The following MAP3K14 variants were observed in gnomAD, a reference collection of about 807,000 sequenced individuals.
MAP3K14 encodes NF-kappa-beta-inducing kinase.
Under a neutral mutation model 99.2 loss-of-function variants are expected in MAP3K14, and 16 were observed. That is an observed-to-expected ratio of 0.16 (90% confidence interval 0.11 to 0.24). MAP3K14 has a LOEUF of 0.24. Ranked by LOEUF, MAP3K14 falls within the 10% of genes least tolerant of loss-of-function variation. MAP3K14 has a pLI of 1.00. For synonymous variants in MAP3K14, 462 were observed against 492.4 expected (o/e 0.94, Z 0.82); for missense variants, 784 against 1,208.7 (o/e 0.65, Z 5.21).
At chr17:45,273,149 G>A (rs1169254375) in intron 9 of MAP3K14, among the ~76,000 whole-genome samples, 1 of 152,188 alleles carries the variant, frequency 6.6e-6, no homozygotes, top group African/African-American at 2.4e-5. Context: ...AGCCAACCGT[G>A]CTCAGAGGCG....
rs1237611659 is a variant in MAP3K14 at position 45,264,024 on chromosome 17, A to G, written c.*612T>C. ...GTCAACTCAGGACCTGTGTTGCAAC[A>G]ACCTGAAAAGTGTGGTGTATTCTAC... On this transcript the variant is annotated 3_prime_UTR_variant, in exon 16 of 16. Transcript: ENST00000344686. 6.6e-6 allele frequency: 1 copy of G among 152,278 alleles called. No homozygotes were observed. The highest frequency in any genetic ancestry group is 6.5e-5 in the Admixed American group (1 of 15,286). The allele number at this position is 152,278 out of a possible 1,614,324, so 9.4% of individuals were successfully genotyped here.
chr17:45,270,397 G>GTGGGGCTCTTCCTACCTTGCTGTGC lies in MAP3K14; in HGVS notation c.1972+15_1972+16insGCACAGCAAGGTAGGAAGAGCCCCA, dbSNP rs756731445. On this transcript the variant is annotated intron_variant, in intron 11 of 15. Coordinates refer to ENST00000344686, the MANE Select transcript of MAP3K14 (RefSeq NM_003954.5). The stretch of plus-strand genomic sequence containing the variant: ...TCTTCTGCCCCCCGGGTCAGCCAGC[G>GTGGGGCTCTTCCTACCTTGCTGTGC]TGGGGCTCTTCCTACCTTGCTGTAG... The GTGGGGCTCTTCCTACCTTGCTGTGC allele has an allele frequency of 1.8e-5, 29 of 1,607,312 alleles. No homozygotes were observed. Among genetic ancestry groups the GTGGGGCTCTTCCTACCTTGCTGTGC allele is most frequent in the Non-Finnish European group, 2.5e-5 (29 of 1,178,066 alleles).
Position 45,267,779 on chromosome 17 carries a change from A to G in MAP3K14, c.1973-20T>C, listed in dbSNP as rs751614619. ...CTCCCACTAGAAAACAGAGAGTACA[A>G]TGGTGAGGGGAAGCGTGCTGTGCAC... On this transcript the variant is annotated intron_variant, in intron 11 of 15. Coordinates refer to ENST00000344686, the MANE Select transcript of MAP3K14 (RefSeq NM_003954.5). The surrounding 1 kb of genome is among the most constrained non-coding windows in gnomAD (Gnocchi z 5.1). The G allele has an allele frequency of 2.5e-6, 4 of 1,589,834 alleles. No individual in the cohort carries two copies. Among genetic ancestry groups the G allele is most frequent in the South Asian group, 1.1e-5 (1 of 90,214 alleles).
chr17:45,274,041 G>T, intron 8 of MAP3K14, 82 bp downstream of exon 8: 3 of 1,524,570 alleles, frequency 2.0e-6, no homozygotes, highest in East Asian at 2.3e-5. Context: ...GACCAGGCTA[G>T]CCCAGAACTG....
intron 5 of MAP3K14, among the ~76,000 whole-genome samples, chr17:45,285,934 A>G (rs959054518): frequency 6.6e-6 from 1 of 151,810 alleles, no homozygotes; most frequent in Non-Finnish European, 1.5e-5. Context: ...CCTGGGTGAC[A>G]GAGTGAGACT....
chr17:45,267,194 T>C lies in MAP3K14; in HGVS notation c.2331A>G (p.Leu777=), dbSNP rs1055184427. 3 of 1,587,124 alleles carry C rather than the reference T, an allele frequency of 1.9e-6. No individual in the cohort carries two copies. Among genetic ancestry groups the C allele is most frequent in the Admixed American group, 1.8e-5 (1 of 56,116 alleles). The change falls in exon 13 of 16, where the codon TTA becomes TTG. Residue 777 remains leucine (L), a synonymous_variant. Coordinates refer to ENST00000344686, the MANE Select transcript of MAP3K14 (RefSeq NM_003954.5). This position sits in a 1 kb window ranked among gnomAD's most constrained non-coding sequence, Gnocchi z 5.1. ...EQELQQLEIE[L]FLNSLSQPFS... is the part of the protein sequence containing the mutation. ...ATGGCTGGGACAGGCTGTTGAGGAA[T>C]AATTCTGCAGGGAAAAGTGGAAGAT... is the stretch of plus-strand genomic sequence containing the variant.
chr17:45,267,299 G>T lies in MAP3K14; in HGVS notation c.2327-101C>A. On this transcript the variant is annotated intron_variant, in intron 12 of 15. Coordinates refer to ENST00000344686, the MANE Select transcript of MAP3K14 (RefSeq NM_003954.5). The surrounding 1 kb of genome is among the most constrained non-coding windows in gnomAD (Gnocchi z 5.1). Reference sequence around the variant, plus strand: ...AGTCGGTAGAAGCTGAGCTGCTGGGGAAGGGGCTGGAAGAAAGCCCACACC... The same window carrying T: ...AGTCGGTAGAAGCTGAGCTGCTGGGTAAGGGGCTGGAAGAAAGCCCACACC... 7.1e-7 allele frequency: 1 copy of T among 1,403,560 alleles called. No homozygotes were observed. Among genetic ancestry groups the T allele is most frequent in the Non-Finnish European group, 9.9e-7 (1 of 1,014,814 alleles). The allele number at this position is 1,403,560 out of a possible 1,614,324, so 86.9% of individuals were successfully genotyped here. A position where few individuals can be genotyped will look rare whatever the true frequency, so the allele number is the denominator to read the frequency against.
At chr17:45,295,407 T>C (rs886771593) in intron 1 of MAP3K14, among the ~76,000 whole-genome samples, 1 of 152,124 alleles carries the variant, frequency 6.6e-6, no homozygotes, top group African/African-American at 2.4e-5. Context: ...CTCTACAAAA[T>C]CCCTAGTTCT....
intron 1 of MAP3K14, among the ~76,000 whole-genome samples, chr17:45,298,116 C>T (rs778435099): frequency 2.8e-4 from 43 of 152,000 alleles, no homozygotes; most frequent in Admixed American, 5.9e-4. Context: ...ATGATCCTTG[C>T]CTTTTTGGGG....
intron 1 of MAP3K14, among the ~76,000 whole-genome samples, chr17:45,302,849 C>T (rs1214212710): frequency 6.1e-4 from 2 of 3,296 alleles, no homozygotes; most frequent in African/African-American, 3.8e-3. Context: ...GCAGCTGGGC[C>T]GCAAAACAGA....
chr17:45,295,827 T>C (rs896659226), intron 1 of MAP3K14, among the ~76,000 whole-genome samples: 18 of 152,180 alleles, frequency 1.2e-4, no homozygotes, highest in African/African-American at 4.1e-4. Context: ...GCTAAATGAA[T>C]GTTCATTCCC....
At chr17:45,316,586 C>T (rs2044535285) in intron 1 of MAP3K14, among the ~76,000 whole-genome samples, 1 of 152,236 alleles carries the variant, frequency 6.6e-6, no homozygotes. Flanking sequence ...CACGTCCGCC[C>T]CGCGGCAGGC....
In MAP3K14 at chr17:45,300,220, C is replaced by T. The variant is rs185490644; in HGVS notation, c.-20-9455G>A. ...CTGATGATGGCTGGCCGGCCCTAGC[C>T]GTGCAGAAACTACTGTCTATAAGGC... On this transcript the variant is annotated intron_variant, in intron 1 of 15. Transcript: ENST00000344686. Among the ~76,000 whole-genome samples, 261 of 152,320 alleles carry T rather than the reference C, an allele frequency of 1.7e-3. 1 individual carries two copies. The highest frequency in any genetic ancestry group is 5.6e-3 in the African/African-American group (232 of 41,568).
intron 9 of MAP3K14, among the ~76,000 whole-genome samples, chr17:45,273,260 G>A (rs973070847): frequency 1.3e-5 from 2 of 152,154 alleles, no homozygotes; most frequent in Non-Finnish European, 2.9e-5. Flanking sequence ...TGGGACCTAC[G>A]GAGAGTCAAC....
intron 1 of MAP3K14, among the ~76,000 whole-genome samples, chr17:45,312,998 T>C (rs1399174072): frequency 6.6e-6 from 1 of 152,178 alleles, no homozygotes; most frequent in African/African-American, 2.4e-5. Context: ...AGGAAGCCCC[T>C]AGACAGGCCT....
chr17:45,270,626 T>C, intron 10 of MAP3K14, 63 bp from the exon 11 acceptor site: 15 of 1,479,606 alleles, frequency 1.0e-5, no homozygotes, highest in Non-Finnish European at 1.3e-5. Flanking sequence ...CCGGCTGTTA[T>C]TGCTCTTTGC....
intron 13 of MAP3K14, 122 bp from the exon 14 acceptor site, chr17:45,266,803 G>T: frequency 9.1e-7 from 1 of 1,102,446 alleles, no homozygotes; most frequent in Non-Finnish European, 1.3e-6. Context: ...GGTAAGGGTT[G>T]CCTCCATGGG....
At chr17:45,277,382 G>A (rs1350226131) in intron 6 of MAP3K14, among the ~76,000 whole-genome samples, 1 of 152,148 alleles carries the variant, frequency 6.6e-6, no homozygotes. Context: ...GCCAGGGGGC[G>A]CTGGCAGTAA....
At chr17:45,304,192 C>T (rs1359151416) in intron 1 of MAP3K14, among the ~76,000 whole-genome samples, 1 of 151,864 alleles carries the variant, frequency 6.6e-6, no homozygotes, top group Middle Eastern at 3.2e-3. Flanking sequence ...TTAGTAGAGA[C>T]GGGGTTTCAC....
Sources: gnomAD v4.1 joint callset for allele counts (sites outside exome capture counted in the v4.1 genomes callset) on GRCh38, gnomAD v4.1.1 for gene constraint, Gnocchi (gnomAD v3.1) non-coding constraint, MANE v1.5 for transcripts, NCBI Gene and HGNC (gene_info 2026-07-23, HGNC 2026-07-21) for gene names.